Variants in TAF1B observed in about 807,000 individuals in gnomAD.
The protein encoded by TAF1B is TATA-box binding protein associated factor, RNA polymerase I subunit B.
A neutral mutation model predicts 83.9 loss-of-function variants in TAF1B; 61 were observed. The ratio of observed to expected loss-of-function variants is 0.73; its 90% confidence interval spans 0.59 to 0.90. The LOEUF (loss-of-function observed/expected upper bound fraction) is 0.90. Among genes scored for constraint, TAF1B ranks in the 40% least tolerant of loss-of-function variants. TAF1B has a pLI of 0.00. For missense variants in TAF1B, 625 were observed against 677.0 expected (o/e 0.92, Z 0.85); for synonymous variants, 221 against 224.6 (o/e 0.98, Z 0.14).
chr2:9,903,658 C>T (rs775073924), intron 8 of TAF1B, among the ~76,000 whole-genome samples: 15 of 152,106 alleles, frequency 9.9e-5, no homozygotes. Context: ...GTGTTACTCC[C>T]ATGTGGAAAG....
At chr2:9,931,034 A>G (rs946846705) in intron 14 of TAF1B, among the ~76,000 whole-genome samples, 9 of 151,578 alleles carry the variant, frequency 5.9e-5, no homozygotes, top group African/African-American at 2.2e-4. Context: ...ATCTTCCTCC[A>G]TCCCTTTTTT....
chr2:9,889,592 G>A (rs949350288), intron 8 of TAF1B, among the ~76,000 whole-genome samples: 1 of 151,740 alleles, frequency 6.6e-6, no homozygotes, highest in Non-Finnish European at 1.5e-5. Context: ...TTTATTGATT[G>A]GTTATGTATC....
intron 5 of TAF1B, among the ~76,000 whole-genome samples, chr2:9,864,674 G>A (rs1482963857): frequency 6.6e-6 from 1 of 152,146 alleles, no homozygotes; most frequent in Non-Finnish European, 1.5e-5. Flanking sequence ...GATGAACATT[G>A]ATGCAAAAAT....
rs778828193 is a variant in TAF1B at position 9,904,860 on chromosome 2, C to T, written c.809C>T (p.Ser270Phe). The T allele has an allele frequency of 1.2e-6, 2 of 1,609,324 alleles. No individual in the cohort carries two copies. Among genetic ancestry groups the T allele is most frequent in the South Asian group, 1.1e-5 (1 of 90,922 alleles). Residue 270 changes from serine (S) to phenylalanine (F), a missense_variant and splice_region_variant, in exon 9 of 15, where the codon TCT (serine) becomes TTT (phenylalanine). Ser to Phe is a radical substitution (Grantham distance 155). Coordinates refer to ENST00000263663, the MANE Select transcript of TAF1B (RefSeq NM_005680.3). ...GRDRGIFGIE[S>F]WPDYEDIYKK... ...ATGATGGTCTCTCTTTTATTTCAGTCTTGGCCTGACTACGAGGACATCTAC... is the reference window on the plus strand; with the variant it reads ...ATGATGGTCTCTCTTTTATTTCAGTTTTGGCCTGACTACGAGGACATCTAC...
At chr2:9,900,626 A>G (rs1342340930) in intron 8 of TAF1B, among the ~76,000 whole-genome samples, 2 of 152,166 alleles carry the variant, frequency 1.3e-5, no homozygotes, top group East Asian at 1.9e-4. Flanking sequence ...GAGGTTTTTG[A>G]TAGTTCGGGT....
chr2:9,864,241 C>T (rs1431848393), intron 5 of TAF1B, among the ~76,000 whole-genome samples: 3 of 151,376 alleles, frequency 2.0e-5, no homozygotes, highest in Non-Finnish European at 4.4e-5. Flanking sequence ...ATCAAATAGA[C>T]GCAATAAAAA....
At chr2:9,884,747 T>C (rs1163583436) in intron 8 of TAF1B, among the ~76,000 whole-genome samples, 1 of 152,144 alleles carries the variant, frequency 6.6e-6, no homozygotes, top group Non-Finnish European at 1.5e-5. Context: ...AGTGGGTTGC[T>C]TCTCTCTAAA....
chr2:9,923,223 G>GC (rs1665931142), intron 14 of TAF1B, among the ~76,000 whole-genome samples: 1 of 130,892 alleles, frequency 7.6e-6, no homozygotes, highest in African/African-American at 2.9e-5. Flanking sequence ...GGGCGACAGA[G>GC]CAAGACTCCA....
chr2:9,870,578 G>A (rs542825159), intron 6 of TAF1B, among the ~76,000 whole-genome samples: 5 of 152,126 alleles, frequency 3.3e-5, no homozygotes, highest in African/African-American at 9.6e-5. Flanking sequence ...TCATATTTCC[G>A]TATCACGTGC....
At chr2:9,899,712 G>T (rs1665126853) in intron 8 of TAF1B, among the ~76,000 whole-genome samples, 1 of 152,160 alleles carries the variant, frequency 6.6e-6, no homozygotes, top group Non-Finnish European at 1.5e-5. Context: ...TAGAAGGAAT[G>T]TAGAAAATAA....
At chr2:9,895,440 G>T (rs141415934) in intron 8 of TAF1B, among the ~76,000 whole-genome samples, 2 of 152,150 alleles carry the variant, frequency 1.3e-5, no homozygotes, top group Admixed American at 6.5e-5. Context: ...AGTGGAAGCC[G>T]CAGTGAGCTG....
At chr2:9,870,568 T>G (rs1245482546) in intron 6 of TAF1B, among the ~76,000 whole-genome samples, 1 of 152,242 alleles carries the variant, frequency 6.6e-6, no homozygotes, top group Non-Finnish European at 1.5e-5. Flanking sequence ...TTTGTGACTT[T>G]CATATTTCCG....
intron 4 of TAF1B, chr2:9,851,844 G>A (rs1178066338): frequency 3.1e-6 from 2 of 646,092 alleles, no homozygotes; most frequent in Non-Finnish European, 5.7e-6. Context: ...ACATCCAAAA[G>A]AAAAATTTAA....
intron 10 of TAF1B, 75 bp from the exon 11 acceptor site, chr2:9,911,436 C>T (rs1665530134): frequency 3.3e-6 from 4 of 1,195,036 alleles, no homozygotes; most frequent in African/African-American, 1.6e-5. Context: ...ACACTTTTCT[C>T]TCAGAAGAAT....
At chr2:9,899,535 G>A (rs1355658188) in intron 8 of TAF1B, among the ~76,000 whole-genome samples, 1 of 152,120 alleles carries the variant, frequency 6.6e-6, no homozygotes, top group Non-Finnish European at 1.5e-5. Flanking sequence ...GCTATTGTGA[G>A]CAGTGCCAGT....
At chr2:9,869,602 G>A (rs547759482) in intron 6 of TAF1B, among the ~76,000 whole-genome samples, 11 of 151,878 alleles carry the variant, frequency 7.2e-5, no homozygotes, top group Admixed American at 3.9e-4. Flanking sequence ...ATGGCCGGGC[G>A]TAGTGGCTCA....
At chr2:9,885,908 C>T (rs1664661640) in intron 8 of TAF1B, among the ~76,000 whole-genome samples, 1 of 152,038 alleles carries the variant, frequency 6.6e-6, no homozygotes, top group Non-Finnish European at 1.5e-5. Context: ...ATTATAAGCT[C>T]CTCAGGAACA....
intron 4 of TAF1B, among the ~76,000 whole-genome samples, chr2:9,852,976 A>G (rs2125136306): frequency 1.3e-5 from 2 of 152,376 alleles, no homozygotes; most frequent in Non-Finnish European, 2.9e-5. Context: ...AAAGGCGTTA[A>G]GAATTAAAAA....
chr2:9,870,512 C>A, intron 6 of TAF1B, among the ~76,000 whole-genome samples: 1 of 152,174 alleles, frequency 6.6e-6, no homozygotes, highest in African/African-American at 2.4e-5. Flanking sequence ...TTGTAGTCTA[C>A]CTTCAGCTAA....
Sources: gnomAD v4.1 joint callset for allele counts (sites outside exome capture counted in the v4.1 genomes callset) on GRCh38, gnomAD v4.1.1 for gene constraint, MANE v1.5 for transcripts, NCBI Gene and HGNC (gene_info 2026-07-23, HGNC 2026-07-21) for gene names.